The following MTMR14 variants were observed in gnomAD, a reference collection of about 807,000 sequenced individuals.
MTMR14 encodes phosphatidylinositol-3,5-bisphosphate 3-phosphatase MTMR14.
Under a neutral mutation model 86.3 loss-of-function variants are expected in MTMR14, and 48 were observed. The ratio of observed to expected loss-of-function variants is 0.56; its 90% CI spans 0.44 to 0.71. The LOEUF is 0.71. MTMR14 is among the 30% of genes least tolerant of loss of function. The pLI, the probability that MTMR14 is intolerant of heterozygous loss-of-function variation, is 0.00. For synonymous variants in MTMR14, 366 were observed against 326.1 expected (o/e 1.12, Z -1.32); for missense variants, 780 against 834.6 (o/e 0.93, Z 0.81).
chr3:9,685,133 C>G (rs1329602260), intron 12 of MTMR14, 78 bp from the exon 13 acceptor site: 2 of 1,592,674 alleles, frequency 1.3e-6, no homozygotes. Flanking sequence ...GTGACACAGT[C>G]TGTGTCTGGT....
At chr3:9,698,366 C>T (rs2076347880) in intron 18 of MTMR14, among the ~76,000 whole-genome samples, 1 of 152,224 alleles carries the variant, frequency 6.6e-6, no homozygotes, top group Admixed American at 6.5e-5. Context: ...TTCTAGATCC[C>T]ACACCTACAA....
At chr3:9,678,277 G>A (rs898221632) in intron 9 of MTMR14, among the ~76,000 whole-genome samples, 3 of 152,200 alleles carry the variant, frequency 2.0e-5, no homozygotes, top group African/African-American at 4.8e-5. Context: ...CTTTCTGAAC[G>A]TGACTCATTC....
At chr3:9,697,000 G>C (rs142460676) in intron 17 of MTMR14, among the ~76,000 whole-genome samples, 97 of 152,218 alleles carry the variant, frequency 6.4e-4, no homozygotes, top group African/African-American at 2.3e-3. Flanking sequence ...TAGATTCCCA[G>C]CACAACCTTC....
Position 9,689,142 on chromosome 3 carries a change from A to G in MTMR14, c.1433+60A>G. 3 of 1,597,866 alleles carry G rather than the reference A, an allele frequency of 1.9e-6. No homozygotes were observed. In the Admixed American group the frequency reaches 5.0e-5, roughly 27 times the overall value. On this transcript the variant is annotated intron_variant, in intron 16 of 18. Coordinates refer to ENST00000296003, the MANE Select transcript of MTMR14 (RefSeq NM_001077525.3). Reference sequence around the variant, plus strand: ...GCTGTGGCCCGGGGCCATCAGCACCAGGGAGCCAGGCTGGAGCCCCAAGAA... The same window carrying G: ...GCTGTGGCCCGGGGCCATCAGCACCGGGGAGCCAGGCTGGAGCCCCAAGAA...
chr3:9,667,934 T>C (rs999643850), intron 3 of MTMR14, among the ~76,000 whole-genome samples: 2 of 152,228 alleles, frequency 1.3e-5, no homozygotes, highest in Non-Finnish European at 2.9e-5. Context: ...CCATTTCCCA[T>C]TGTAGTGTAA....
chr3:9,672,906 C>T, intron 7 of MTMR14, 148 bp downstream of exon 7: 1 of 753,402 alleles, frequency 1.3e-6, no homozygotes, highest in Non-Finnish European at 2.4e-6. Context: ...GGTTCCCAGT[C>T]ACAGGCCACA....
intron 1 of MTMR14, chr3:9,650,505 C>A (rs530277306): frequency 3.4e-5 from 13 of 387,692 alleles, no homozygotes; most frequent in African/African-American, 1.5e-4. Flanking sequence ...CACCACAGAA[C>A]TCTGATTTGA....
chr3:9,654,142 TCTAGAGTCAGACTG>T (rs1374115606), intron 2 of MTMR14, among the ~76,000 whole-genome samples: 5 of 152,116 alleles, frequency 3.3e-5, no homozygotes, highest in Admixed American at 2.0e-4. Context: ...GAGCCTAAGG[TCTAGAGTCAGACTG>T]CTAGAGTCAG....
At chr3:9,697,063 G>A (rs2076303320) in intron 17 of MTMR14, among the ~76,000 whole-genome samples, 1 of 152,150 alleles carries the variant, frequency 6.6e-6, no homozygotes, top group Non-Finnish European at 1.5e-5. Context: ...AAGCTGTCAG[G>A]CTGCCTGCCT....
chr3:9,673,381 G>A (rs2048676172), intron 7 of MTMR14, among the ~76,000 whole-genome samples: 1 of 152,192 alleles, frequency 6.6e-6, no homozygotes, highest in African/African-American at 2.4e-5. Context: ...CTGTGGCCAG[G>A]GCTGTATTCT....
chr3:9,687,316 G>T (rs556239543), intron 13 of MTMR14, among the ~76,000 whole-genome samples: 1 of 152,178 alleles, frequency 6.6e-6, no homozygotes, highest in African/African-American at 2.4e-5. Flanking sequence ...AGCACTTGGG[G>T]AGGCTGAGGC....
At chr3:9,689,255 G>T (rs2076063677) in intron 16 of MTMR14, among the ~76,000 whole-genome samples, 173 bp downstream of exon 16, 1 of 152,222 alleles carries the variant, frequency 6.6e-6, no homozygotes, top group South Asian at 2.1e-4. Context: ...CATCTGGTTG[G>T]TGAAGGGCAC....
chr3:9,675,004 G>A (rs898529834), intron 7 of MTMR14, among the ~76,000 whole-genome samples: 7 of 152,228 alleles, frequency 4.6e-5, no homozygotes, highest in Non-Finnish European at 7.3e-5. Context: ...CCAGTTATTC[G>A]GGAGGCCGAG....
intron 12 of MTMR14, 31 bp downstream of exon 12, chr3:9,684,995 C>A: frequency 6.2e-7 from 1 of 1,600,286 alleles, no homozygotes. Context: ...GGTTTTGGGG[C>A]CTTAGTAACA....
At chr3:9,659,636 G>C in intron 2 of MTMR14, 1 of 452,078 alleles carries the variant, frequency 2.2e-6, no homozygotes, top group Non-Finnish European at 4.4e-6. Context: ...TATAGACGGG[G>C]TTTCACCATG....
rs2076324992 is a variant in MTMR14 at position 9,697,708 on chromosome 3, C to G, written c.1614-3C>G. On this transcript the variant is annotated splice_region_variant and splice_polypyrimidine_tract_variant and intron_variant, in intron 17 of 18. Transcript: ENST00000296003. The stretch of plus-strand genomic sequence containing the variant: ...TCTCCCCTCTCTCTCCTCTCTGCCC[C>G]AGATCAGTGGACCATCCCCTGCCCG... 1.2e-6 allele frequency: 2 copies of G among 1,613,872 alleles called. No individual in the cohort carries two copies. Among genetic ancestry groups the G allele is most frequent in the Non-Finnish European group, 1.7e-6 (2 of 1,179,912 alleles).
chr3:9,653,840 CTG>C, intron 2 of MTMR14, 71 bp downstream of exon 2: 1 of 1,595,824 alleles, frequency 6.3e-7, no homozygotes, highest in African/African-American at 1.3e-5. Flanking sequence ...GCCAGGAAGT[CTG>C]TAGCTGGGCA....
In MTMR14 at chr3:9,701,202, GCTGGGGCAAATT is replaced by G. The variant is rs2076445242; in HGVS notation, c.1770-586_1770-575del. On this transcript the variant is annotated intron_variant, in intron 18 of 18. Coordinates refer to ENST00000296003, the MANE Select transcript of MTMR14 (RefSeq NM_001077525.3). This position sits in a 1 kb window ranked among gnomAD's most constrained non-coding sequence, Gnocchi z 4.2. ...TCCTGAGGAGTGGAAGCAGAGAGCT[GCTGGGGCAAATT>G]CCCTCCTGCTTAGCTACCCTCCTTC... 1.2e-5 allele frequency: 2 copies of G among 163,166 alleles called. No homozygotes were observed. Among genetic ancestry groups the G allele is most frequent in the Admixed American group, 1.1e-4 (2 of 17,548 alleles). The allele number at this position is 163,166 out of a possible 1,614,324, so 10.1% of individuals were successfully genotyped here.
chr3:9,667,610 C>T (rs1488111288), intron 3 of MTMR14, among the ~76,000 whole-genome samples: 2 of 152,142 alleles, frequency 1.3e-5, no homozygotes, highest in Non-Finnish European at 2.9e-5. Flanking sequence ...CTCCACAAAC[C>T]AGCTCTTGCC....
Sources: allele counts gnomAD v4.1 joint callset (sites outside exome capture counted in the v4.1 genomes callset), GRCh38; gene constraint gnomAD v4.1.1; non-coding constraint Gnocchi (gnomAD v3.1); transcripts MANE v1.5; gene names NCBI Gene and HGNC (gene_info 2026-07-23, HGNC 2026-07-21).